ABTB3: variants seen among roughly 807,000 people sequenced by gnomAD.
ABTB3 encodes ankyrin repeat- and BTB/POZ domain-containing protein 3.
the ABTB3 span, chr12:107,581,102 C>T: frequency 1.9e-6 from 3 of 1,545,622 alleles, no homozygotes; most frequent in Non-Finnish European, 2.6e-6. Flanking sequence ...GCAGCCCCTG[C>T]CTCCGGGGAG....
At chr12:107,530,205 C>T in the ABTB3 span, among the ~76,000 whole-genome samples, 1 of 152,142 alleles carries the variant, frequency 6.6e-6, no homozygotes, top group African/African-American at 2.4e-5. Flanking sequence ...GGTACCTGAC[C>T]GTCAGGCTTC....
At chr12:107,654,851 CACACACACAGTGTTCTAGTTA>C in the ABTB3 span, among the ~76,000 whole-genome samples, 1 of 149,812 alleles carries the variant, frequency 6.7e-6, no homozygotes, top group Non-Finnish European at 1.5e-5. Flanking sequence ...CACACACACA[CACACACACAGTGTTCTAGTTA>C]AATGAGGATT....
the ABTB3 span, among the ~76,000 whole-genome samples, chr12:107,516,625 A>G: frequency 6.6e-6 from 1 of 152,116 alleles, no homozygotes; most frequent in Non-Finnish European, 1.5e-5. Flanking sequence ...GTGAAGGTGA[A>G]ATATTTAGGA....
the ABTB3 span, among the ~76,000 whole-genome samples, chr12:107,439,540 C>T: frequency 6.6e-6 from 1 of 152,164 alleles, no homozygotes; most frequent in African/African-American, 2.4e-5. Flanking sequence ...GAGGCTCCAC[C>T]TAATGACCCC....
At chr12:107,561,727 G>A in the ABTB3 span, among the ~76,000 whole-genome samples, 4 of 152,038 alleles carry the variant, frequency 2.6e-5, no homozygotes, top group Non-Finnish European at 4.4e-5. Flanking sequence ...TCCATAAACC[G>A]CTCTCCCCGT....
At chr12:107,581,635 TA>T in the ABTB3 span, among the ~76,000 whole-genome samples, 43 of 152,338 alleles carry the variant, frequency 2.8e-4, no homozygotes, top group African/African-American at 8.9e-4. Flanking sequence ...GGTCTTCCTG[TA>T]GTTTTTTAAC....
the ABTB3 span, among the ~76,000 whole-genome samples, chr12:107,416,388 C>T: frequency 6.6e-6 from 1 of 152,156 alleles, no homozygotes; most frequent in Non-Finnish European, 1.5e-5. Flanking sequence ...CCTTCCTCTG[C>T]CCAGAAGGTC....
the ABTB3 span, among the ~76,000 whole-genome samples, chr12:107,420,857 C>T: frequency 6.6e-6 from 1 of 152,300 alleles, no homozygotes; most frequent in South Asian, 2.1e-4. Flanking sequence ...ACTACCCCAT[C>T]CCACTGCTTC....
At chr12:107,404,187 A>G in the ABTB3 span, among the ~76,000 whole-genome samples, 1 of 147,860 alleles carries the variant, frequency 6.8e-6, no homozygotes, top group Non-Finnish European at 1.5e-5. Context: ...AAAAAAAAAA[A>G]GGAAAAGAAG....
chr12:107,403,750 A>T, the ABTB3 span, among the ~76,000 whole-genome samples: 1 of 152,192 alleles, frequency 6.6e-6, no homozygotes, highest in Non-Finnish European at 1.5e-5. Context: ...GGGCAGAGGA[A>T]AACTTCAGAC....
the ABTB3 span, among the ~76,000 whole-genome samples, chr12:107,332,887 A>T: frequency 3.9e-5 from 6 of 152,232 alleles, no homozygotes; most frequent in Non-Finnish European, 2.9e-5. Flanking sequence ...AGAAGCAATC[A>T]TGAGCCGACT....
At chr12:107,585,861 G>A in the ABTB3 span, among the ~76,000 whole-genome samples, 28 of 152,168 alleles carry the variant, frequency 1.8e-4, no homozygotes, top group African/African-American at 6.5e-4. Flanking sequence ...GAACAAGATC[G>A]TCCAGATAAG....
chr12:107,396,488 C>T, the ABTB3 span, among the ~76,000 whole-genome samples: 2 of 152,146 alleles, frequency 1.3e-5, no homozygotes, highest in Non-Finnish European at 2.9e-5. Flanking sequence ...ATTCATCCAG[C>T]AGCCTGTGCT....
the ABTB3 span, among the ~76,000 whole-genome samples, chr12:107,510,214 AC>A: frequency 4.6e-5 from 7 of 151,608 alleles, no homozygotes; most frequent in Admixed American, 1.3e-4. Flanking sequence ...TGGTGCCAGG[AC>A]CCCCCCACCC....
the ABTB3 span, among the ~76,000 whole-genome samples, chr12:107,353,322 A>G: frequency 2.0e-5 from 3 of 152,178 alleles, no homozygotes; most frequent in African/African-American, 7.2e-5. Context: ...GTGGGGTGGT[A>G]ATAAGTGGAC....
the ABTB3 span, among the ~76,000 whole-genome samples, chr12:107,486,059 G>C: frequency 2.0e-5 from 3 of 152,162 alleles, no homozygotes; most frequent in Non-Finnish European, 4.4e-5. Flanking sequence ...TGGTTTGGAT[G>C]GTGAAAACTC....
chr12:107,600,971 T>G, the ABTB3 span, among the ~76,000 whole-genome samples: 1 of 152,022 alleles, frequency 6.6e-6, no homozygotes, highest in Non-Finnish European at 1.5e-5. Context: ...AGGATGGTGG[T>G]GGGGGGGTGT....
chr12:107,395,072 T>G, the ABTB3 span, among the ~76,000 whole-genome samples: 1 of 152,238 alleles, frequency 6.6e-6, no homozygotes, highest in Non-Finnish European at 1.5e-5. Flanking sequence ...GTGCTCACCC[T>G]CATCAGCAAG....
the ABTB3 span, among the ~76,000 whole-genome samples, chr12:107,351,375 CT>C: frequency 6.6e-6 from 1 of 152,194 alleles, no homozygotes; most frequent in Non-Finnish European, 1.5e-5. Context: ...AGACTTTCTC[CT>C]GAGGGAGTGT....
Sources: allele counts gnomAD v4.1 joint callset (sites outside exome capture counted in the v4.1 genomes callset), GRCh38; gene constraint gnomAD v4.1.1; transcripts MANE v1.5; gene names NCBI Gene and HGNC (gene_info 2026-07-23, HGNC 2026-07-21).